MOSPD1: variants seen among roughly 807,000 people sequenced by gnomAD.
The protein encoded by MOSPD1 is motile sperm domain-containing protein 1.
Under a neutral mutation model 16.7 loss-of-function variants are expected in MOSPD1, and 5 were observed. The ratio of observed to expected loss-of-function variants is 0.30; its 90% CI spans 0.16 to 0.63. The LOEUF is 0.63. MOSPD1 is among the 30% of genes least tolerant of loss of function. MOSPD1 has a pLI of 0.82. For synonymous variants in MOSPD1, 67 were observed against 59.2 expected (o/e 1.13, Z -0.61); for missense variants, 104 against 153.6 (o/e 0.68, Z 1.71).
At chrX:134,903,930 C>T (rs781354215) in intron 1 of MOSPD1, among the ~76,000 whole-genome samples, 2 of 109,577 alleles carry the variant, frequency 1.8e-5, no homozygotes, top group East Asian at 2.9e-4. Context: ...CCCAGCTACT[C>T]GGGAGGCTGA....
At chrX:134,914,959 G>C (rs1052782981) in intron 1 of MOSPD1, among the ~76,000 whole-genome samples, 13 of 112,631 alleles carry the variant, frequency 1.2e-4, no homozygotes, top group African/African-American at 2.9e-4. Flanking sequence ...CGCCGCGGGC[G>C]GCGGAGCCAC....
chrX:134,894,610 CTT>C (rs934222421), intron 4 of MOSPD1, among the ~76,000 whole-genome samples: 1 of 112,139 alleles, frequency 8.9e-6, no homozygotes, highest in Admixed American at 9.5e-5. Context: ...ACTCAACTTA[CTT>C]CCAGGTAATT....
At chrX:134,891,975 A>G (rs1411200077) in intron 4 of MOSPD1, among the ~76,000 whole-genome samples, 1 of 112,390 alleles carries the variant, frequency 8.9e-6, no homozygotes, top group Non-Finnish European at 1.9e-5. Flanking sequence ...TTAAAATTAT[A>G]TGCACAAGTT....
intron 1 of MOSPD1, among the ~76,000 whole-genome samples, chrX:134,905,556 C>A (rs1417978157): frequency 3.6e-5 from 3 of 83,505 alleles, no homozygotes; most frequent in African/African-American, 5.4e-5. Context: ...TTAAAAAAAA[C>A]GAATATTTAA....
At chrX:134,910,959 T>A (rs1456165184) in intron 1 of MOSPD1, among the ~76,000 whole-genome samples, 1 of 111,660 alleles carries the variant, frequency 9.0e-6, no homozygotes, top group Non-Finnish European at 1.9e-5. Context: ...TAACAAGTCT[T>A]CCAGGTGATT....
rs1250791463 is a variant in MOSPD1 at position 134,888,994 on chromosome X, C to T, written c.*167G>A. 5 of 273,662 alleles carry T rather than the reference C, an allele frequency of 1.8e-5. No homozygotes were observed. Among genetic ancestry groups the T allele is most frequent in the Non-Finnish European group, 1.3e-5 (2 of 154,897 alleles). The allele number at this position is 273,662 out of a possible 1,213,427, so 22.6% of individuals were successfully genotyped here. ...TTGCTGTCTGTAAAATAATGTTCTG[C>T]AGTCCTTCAAATTAAATTATAATTT... On this transcript the variant is annotated 3_prime_UTR_variant, in exon 6 of 6. Coordinates refer to ENST00000370783, the MANE Select transcript of MOSPD1 (RefSeq NM_019556.3).
chrX:134,901,561 A>G (rs929730068), intron 1 of MOSPD1, among the ~76,000 whole-genome samples: 8 of 108,852 alleles, frequency 7.3e-5, no homozygotes, highest in Non-Finnish European at 1.5e-4. Context: ...GAGGCAGGAG[A>G]ACCACTTGAA....
At chrX:134,890,671 G>A (rs1172367995) in intron 5 of MOSPD1, among the ~76,000 whole-genome samples, 2 of 110,642 alleles carry the variant, frequency 1.8e-5, no homozygotes, top group Non-Finnish European at 3.8e-5. Context: ...AGCCTGATGT[G>A]GTGGTGCATG....
Position 134,891,582 on chromosome X carries a change from G to A in MOSPD1, c.507C>T (p.Cys169=). 8.3e-7 allele frequency: 1 copy of A among 1,210,964 alleles called. No homozygotes were observed. The part of the protein sequence containing the change: ...SLLTVFLGVV[C]IAALMLPTLG... The stretch of plus-strand genomic sequence containing the variant: ...GTGTAGGCAGCATCAGGGCTGCAAT[G>A]CACACCACTCCCAGGAAGACAGTTA... The change falls in exon 5 of 6, where the codon TGC becomes TGT. Residue 169 remains cysteine, a synonymous_variant. Transcript: ENST00000370783.
At chrX:134,909,571 G>A (rs1408750832) in intron 1 of MOSPD1, among the ~76,000 whole-genome samples, 1 of 111,733 alleles carries the variant, frequency 8.9e-6, no homozygotes, top group East Asian at 2.8e-4. Context: ...TGTTAAGAGC[G>A]ATATGTTATT....
chrX:134,891,465 T>G lies in MOSPD1; in HGVS notation c.610+14A>C. ...CCTACACATATGTCCCAAATGCATCTTTAAAACCCTTACCTAAGATATAAG... is the reference window on the plus strand; with the variant it reads ...CCTACACATATGTCCCAAATGCATCGTTAAAACCCTTACCTAAGATATAAG... On this transcript the variant is annotated intron_variant, in intron 5 of 5. Transcript: ENST00000370783. The G allele has an allele frequency of 8.3e-7, 1 of 1,208,261 alleles. No homozygotes were observed. Among genetic ancestry groups the G allele is most frequent in the Non-Finnish European group, 1.1e-6 (1 of 893,373 alleles).
chrX:134,899,613 A>G (rs1485436596), intron 1 of MOSPD1, 79 bp from the exon 2 acceptor site: 19 of 400,067 alleles, frequency 4.7e-5, no homozygotes, highest in Non-Finnish European at 2.4e-5. Flanking sequence ...CACAAAAAGT[A>G]TATTTAGCAT....
chrX:134,910,125 C>T (rs955815387), intron 1 of MOSPD1, among the ~76,000 whole-genome samples: 4 of 111,424 alleles, frequency 3.6e-5, no homozygotes, highest in African/African-American at 1.3e-4. Context: ...AATTCATGGC[C>T]GGGCGCAGTG....
At chrX:134,895,656 A>G (rs982546906) in intron 4 of MOSPD1, among the ~76,000 whole-genome samples, 6 of 111,914 alleles carry the variant, frequency 5.4e-5, no homozygotes, top group African/African-American at 1.9e-4. Flanking sequence ...TACAATATTG[A>G]TCTGATAAAG....
chrX:134,899,413 T>C lies in MOSPD1; in HGVS notation c.21A>G (p.Gln7=), dbSNP rs199848042. 3.5e-5 allele frequency: 41 copies of C among 1,178,442 alleles called. No individual in the cohort carries two copies. In the African/African-American group the frequency reaches 5.2e-4, roughly 15 times the overall value. The stretch of plus-strand genomic sequence containing the variant: ...GAAGATTTCCTTCCACTAACTCTGG[T>C]TGTCTTTTTTGTTGATGCATTGGCA... MHQQKR[Q]PELVEGNLPV... The change falls in exon 2 of 6, where the codon CAA becomes CAG. Residue 7 remains glutamine (Q), a synonymous_variant. Transcript: ENST00000370783.
chrX:134,896,998 A>G lies in MOSPD1; in HGVS notation c.267T>C (p.Tyr89=). The G allele has an allele frequency of 8.3e-7, 1 of 1,208,480 alleles. No homozygotes were observed. ...IRHRDVRSCH[Y]GVIDKFRLQV... Reference sequence around the variant, plus strand: ...GGAGACGGAATTTGTCTATTACACCATAGTGACAGGATCGAACATCTCGAT... The same window carrying G: ...GGAGACGGAATTTGTCTATTACACCGTAGTGACAGGATCGAACATCTCGAT... Residue 89 remains tyrosine, a synonymous_variant, in exon 4 of 6, where the codon TAT becomes TAC. Transcript: ENST00000370783.
chrX:134,900,735 C>A (rs180676628), intron 1 of MOSPD1, among the ~76,000 whole-genome samples: 1 of 109,230 alleles, frequency 9.2e-6, no homozygotes, highest in Non-Finnish European at 1.9e-5. Flanking sequence ...ACCAAGTGTG[C>A]CTTTTTTTTT....
intron 3 of MOSPD1, among the ~76,000 whole-genome samples, chrX:134,897,369 T>C (rs2082890197): frequency 9.2e-6 from 1 of 108,712 alleles, no homozygotes; most frequent in Non-Finnish European, 1.9e-5. Context: ...GAGACCAGCC[T>C]ATGCAACACA....
At chrX:134,908,733 C>T (rs2082955672) in intron 1 of MOSPD1, among the ~76,000 whole-genome samples, 2 of 112,190 alleles carry the variant, frequency 1.8e-5, no homozygotes. Flanking sequence ...CGCATAAACA[C>T]TCTGAGATAT....
Sources: allele counts gnomAD v4.1 joint callset (sites outside exome capture counted in the v4.1 genomes callset), GRCh38; gene constraint gnomAD v4.1.1; transcripts MANE v1.5; gene names NCBI Gene and HGNC (gene_info 2026-07-23, HGNC 2026-07-21).